Variants in VWA8 observed in about 807,000 individuals in gnomAD.
VWA8 encodes the protein von Willebrand factor A domain-containing protein 8.
A neutral mutation model predicts 241.5 loss-of-function variants in VWA8; 221 were observed. That is an observed-to-expected ratio of 0.91 (90% CI 0.82 to 1.02). VWA8 has a LOEUF of 1.02. Ranked by LOEUF, VWA8 falls within the 50% of genes least tolerant of loss-of-function variation. The probability of loss-of-function intolerance (pLI) is 0.00; values close to 1 mark genes in which losing one functional copy is unlikely to be tolerated. For missense variants in VWA8, 2,322 were observed against 2,328.7 expected, an observed-to-expected ratio of 1.00 and a Z score of 0.06; for synonymous variants, 852 against 827.1, an observed-to-expected ratio of 1.03 and a Z score of -0.52.
chr13:41,829,638 C>T (rs1358923297), intron 14 of VWA8, among the ~76,000 whole-genome samples: 1 of 151,806 alleles, frequency 6.6e-6, no homozygotes, highest in Admixed American at 6.6e-5. Context: ...TTTGCAGCAA[C>T]TTGGATGGAG....
rs1333015479 is a variant in VWA8 at position 41,907,689 on chromosome 13, G to A, written c.380C>T (p.Thr127Ile). The A allele has an allele frequency of 6.2e-7, 1 of 1,613,814 alleles. No individual in the cohort carries two copies. Among genetic ancestry groups the A allele is most frequent in the Middle Eastern group, 1.7e-4 (1 of 6,058 alleles). ...RSIAMQYLEL[T>I]KREVEYIALS... The stretch of plus-strand genomic sequence containing the variant: ...GGCAATGTATTCGACCTCCCGTTTG[G>A]TCAGCTCCTGTAGAGAAGAGAATGA... The change falls in exon 4 of 45, where the codon ACC (threonine) becomes ATC (isoleucine). Residue 127 changes from threonine to isoleucine, a missense_variant. Coordinates refer to ENST00000379310, the MANE Select transcript of VWA8 (RefSeq NM_015058.2).
At chr13:41,910,545 C>T (rs1875941790) in intron 3 of VWA8, among the ~76,000 whole-genome samples, 1 of 151,250 alleles carries the variant, frequency 6.6e-6, no homozygotes, top group Non-Finnish European at 1.5e-5. Flanking sequence ...GATCAAGCCA[C>T]TGCACTCCAG....
At position 41,654,891 on chromosome 13, in the gene VWA8, C is replaced by G. The variant is rs907766749; in HGVS notation, c.4611+16055G>C. On this transcript the variant is annotated intron_variant, in intron 37 of 44. Transcript: ENST00000379310. ...ATGAGGAACTGTTCAGATTGAAAGA[C>G]ACCAAAGAGACATGTAAAGTAAATG... Among the ~76,000 whole-genome samples, 5 of 152,288 alleles carry G rather than the reference C, an allele frequency of 3.3e-5. No individual in the cohort carries two copies. The East Asian group carries it at 5.8e-4, about 18-fold the overall frequency.
intron 17 of VWA8, among the ~76,000 whole-genome samples, chr13:41,804,503 GA>G (rs569927907): frequency 6.1e-5 from 9 of 146,712 alleles, no homozygotes; most frequent in African/African-American, 2.0e-4. Flanking sequence ...TCCTACAAGG[GA>G]AAAAAAAAGG....
intron 17 of VWA8, among the ~76,000 whole-genome samples, chr13:41,792,179 A>C (rs1555336171): frequency 6.6e-6 from 1 of 151,802 alleles, no homozygotes; most frequent in Non-Finnish European, 1.5e-5. Context: ...GCCCATTTGG[A>C]GTTAATTCTT....
At chr13:41,568,595 C>G (rs2044277808) in intron 44 of VWA8, among the ~76,000 whole-genome samples, 1 of 152,154 alleles carries the variant, frequency 6.6e-6, no homozygotes, top group Non-Finnish European at 1.5e-5. Flanking sequence ...ACTGCCATTT[C>G]TTGGTATTTC....
intron 9 of VWA8, among the ~76,000 whole-genome samples, chr13:41,882,369 A>G (rs1439382668): frequency 2.2e-5 from 3 of 136,890 alleles, no homozygotes; most frequent in East Asian, 2.3e-4. Context: ...ACGGGCGGCC[A>G]GGCAGAGACG....
At chr13:41,700,525 G>A (rs1273884951) in intron 28 of VWA8, among the ~76,000 whole-genome samples, 1 of 152,038 alleles carries the variant, frequency 6.6e-6, no homozygotes, top group Non-Finnish European at 1.5e-5. Flanking sequence ...CAACATTTAT[G>A]GCATAATATA....
intron 21 of VWA8, among the ~76,000 whole-genome samples, chr13:41,748,698 A>G (rs971421358): frequency 6.6e-6 from 1 of 152,196 alleles, no homozygotes; most frequent in Admixed American, 6.5e-5. Flanking sequence ...CCTCAGAAAT[A>G]ATGCCACACA....
chr13:41,908,506 T>C (rs1387190586), intron 3 of VWA8, among the ~76,000 whole-genome samples: 9 of 151,040 alleles, frequency 6.0e-5, no homozygotes, highest in African/African-American at 1.7e-4. Flanking sequence ...AATAATCAGG[T>C]AAACAGAAGA....
intron 21 of VWA8, among the ~76,000 whole-genome samples, chr13:41,739,368 C>G (rs1368104093): frequency 6.6e-6 from 1 of 152,124 alleles, no homozygotes; most frequent in Non-Finnish European, 1.5e-5. Flanking sequence ...GTCACGCTCT[C>G]TAGGAAGTTG....
intron 39 of VWA8, among the ~76,000 whole-genome samples, chr13:41,611,191 C>T (rs961018270): frequency 1.3e-5 from 2 of 152,084 alleles, no homozygotes; most frequent in African/African-American, 2.4e-5. Context: ...ACAGCCTCCG[C>T]ACCCTATGAC....
chr13:41,768,771 ACTT>A (rs2045797271), intron 20 of VWA8, among the ~76,000 whole-genome samples: 1 of 152,296 alleles, frequency 6.6e-6, no homozygotes, highest in African/African-American at 2.4e-5. Flanking sequence ...ATGGGTCTAT[ACTT>A]CTTAGGATAA....
At chr13:41,908,540 G>A (rs1015360032) in intron 3 of VWA8, among the ~76,000 whole-genome samples, 4 of 151,944 alleles carry the variant, frequency 2.6e-5, no homozygotes, top group Admixed American at 6.6e-5. Context: ...ATAGTTGTAG[G>A]AGAAGTAGAA....
At chr13:41,570,787 T>C in intron 43 of VWA8, 81 bp from the exon 44 acceptor site, 1 of 1,212,590 alleles carries the variant, frequency 8.2e-7, no homozygotes, top group Non-Finnish European at 1.2e-6. Flanking sequence ...CTATTGACCA[T>C]GAGCATGCAT....
intron 21 of VWA8, among the ~76,000 whole-genome samples, chr13:41,758,804 G>C (rs1316934850): frequency 6.6e-6 from 1 of 150,978 alleles, no homozygotes; most frequent in Non-Finnish European, 1.5e-5. Flanking sequence ...TTAGCTATAG[G>C]CTTTTTATAG....
intron 1 of VWA8, among the ~76,000 whole-genome samples, chr13:41,953,524 G>T (rs576971078): frequency 2.6e-5 from 4 of 152,202 alleles, no homozygotes; most frequent in Non-Finnish European, 5.9e-5. Flanking sequence ...TTAAAGATGA[G>T]ACCAGGCACA....
rs1396389314 is a variant in VWA8, at chr13:41,789,931, C to T, written c.2064-2388G>A. Among the ~76,000 whole-genome samples the T allele has an allele frequency of 2.6e-5, 4 of 152,066 alleles. No homozygotes were observed. The East Asian group carries it at 7.7e-4, about 29-fold the overall frequency. ...ATTGACTATATTTGTGCCTTAATTA[C>T]TCAGGAAGGTTTTGTTTGTTCATTG... is the stretch of plus-strand genomic sequence containing the variant. On this transcript the variant is annotated intron_variant, in intron 17 of 44. Transcript: ENST00000379310.
intron 37 of VWA8, among the ~76,000 whole-genome samples, chr13:41,663,746 T>C (rs562811463): frequency 6.6e-6 from 1 of 152,044 alleles, no homozygotes; most frequent in East Asian, 2.0e-4. Flanking sequence ...TTATCATTAC[T>C]ATACAGTCCC....
Sources: gnomAD v4.1 joint callset for allele counts (sites outside exome capture counted in the v4.1 genomes callset) on GRCh38, gnomAD v4.1.1 for gene constraint, MANE v1.5 for transcripts, NCBI Gene and HGNC (gene_info 2026-07-23, HGNC 2026-07-21) for gene names.